Variants in SLC23A2 observed in about 807,000 individuals in gnomAD.
The protein encoded by SLC23A2 is Na(+)/L-ascorbic acid transporter 2.
In SLC23A2, 36 loss-of-function variants were observed where a neutral mutation model predicts 73.3. That is an observed-to-expected ratio of 0.49 (90% confidence interval 0.38 to 0.65). The LOEUF (loss-of-function observed/expected upper bound fraction) is 0.65, where lower values mean the gene tolerates loss of function less well. Ranked by LOEUF, SLC23A2 falls within the 30% of genes least tolerant of loss-of-function variation. SLC23A2 has a pLI of 0.00. For synonymous variants in SLC23A2, 343 were observed against 327.3 expected (o/e 1.05, Z -0.52); for missense variants, 507 against 841.6 (o/e 0.60, Z 4.92).
chr20:4,981,792 C>G (rs36107804), intron 1 of SLC23A2, among the ~76,000 whole-genome samples: 10 of 151,944 alleles, frequency 6.6e-5, no homozygotes, highest in East Asian at 3.9e-4. Context: ...ACCTCCACCC[C>G]CCAGGTTCAA....
upstream of SLC23A2, among the ~76,000 whole-genome samples, chr20:5,005,120 TTTC>T (rs1208109372): frequency 6.6e-6 from 1 of 151,696 alleles, no homozygotes; most frequent in African/African-American, 2.4e-5. Flanking sequence ...TCGGCTTCTT[TTTC>T]TTCTTTTTTT....
chr20:4,864,478 G>A (rs2122779808), intron 13 of SLC23A2, among the ~76,000 whole-genome samples: 1 of 152,248 alleles, frequency 6.6e-6, no homozygotes, highest in East Asian at 1.9e-4. Flanking sequence ...CGGCAGGGAA[G>A]CAATGGAAAA....
intron 3 of SLC23A2, among the ~76,000 whole-genome samples, chr20:4,920,867 G>A (rs1397043525): frequency 6.6e-6 from 1 of 152,094 alleles, no homozygotes; most frequent in East Asian, 1.9e-4. Context: ...CCCTCAAAGT[G>A]CTATCAGATC....
chr20:4,938,598 T>C (rs1386247627), intron 2 of SLC23A2, among the ~76,000 whole-genome samples: 1 of 152,314 alleles, frequency 6.6e-6, no homozygotes, highest in Non-Finnish European at 1.5e-5. Context: ...ATGCTGGGAT[T>C]ACAGGCGTGA....
rs866775558 is a variant in SLC23A2, at chr20:4,986,606, G to A, written c.-282+14800C>T. 2.0e-5 allele frequency among the ~76,000 whole-genome samples: 3 copies of A among 150,626 alleles called. No homozygotes were observed. In the South Asian group the frequency reaches 6.3e-4, roughly 32 times the overall value. The stretch of plus-strand genomic sequence containing the variant: ...TGGGATTACAGGCATGAGTCACCGC[G>A]CCTGGCCTTGAAACTTTTGTCTGAG... On this transcript the variant is annotated intron_variant, in intron 1 of 16. Coordinates refer to ENST00000338244, the MANE Select transcript of SLC23A2 (RefSeq NM_005116.6).
intron 9 of SLC23A2, among the ~76,000 whole-genome samples, chr20:4,882,494 T>C (rs920874206): frequency 5.9e-5 from 9 of 152,200 alleles, no homozygotes; most frequent in Admixed American, 3.9e-4. Context: ...ACACCTTAAT[T>C]TAATTTGTAA....
chr20:4,879,184 A>C (rs1959707933), intron 9 of SLC23A2, among the ~76,000 whole-genome samples: 1 of 152,144 alleles, frequency 6.6e-6, no homozygotes, highest in African/African-American at 2.4e-5. Flanking sequence ...AGGTGGGTGG[A>C]TCACCTGAGG....
At chr20:4,962,486 A>G (rs67049228) in intron 2 of SLC23A2, among the ~76,000 whole-genome samples, 1,912 of 152,342 alleles carry the variant, frequency 0.013, 55 homozygotes, top group African/African-American at 0.044. Flanking sequence ...GGGTGTGTAG[A>G]CACACTCCCA....
In SLC23A2 at chr20:4,883,815, C is replaced by T. The variant is rs778221914; in HGVS notation, c.651G>A (p.Gly217=). ...IWYPRIREIQ[G]AIIMSSLIEV... is the part of the protein sequence containing the mutation. ...CTATCAGTGAGGACATGATGATGGC[C>T]CCCTGGATCTGCAACAAGAGATGGC... The change falls in exon 9 of 17, where the codon GGG becomes GGA. Residue 217 remains glycine (G), a synonymous_variant. Transcript: ENST00000338244. The surrounding 1 kb of genome is among the most constrained non-coding windows in gnomAD (Gnocchi z 4.5). 4.6e-5 allele frequency: 74 copies of T among 1,606,226 alleles called. No individual in the cohort carries two copies. The highest frequency in any genetic ancestry group is 7.8e-5 in the South Asian group (7 of 90,148).
At chr20:4,859,693 A>G (rs1270732384) in intron 15 of SLC23A2, among the ~76,000 whole-genome samples, 2 of 151,576 alleles carry the variant, frequency 1.3e-5, no homozygotes, top group Non-Finnish European at 2.9e-5. Context: ...TAGTCGGTGG[A>G]TAAAAAAAAT....
chr20:4,911,960 C>T (rs754562194), intron 4 of SLC23A2, among the ~76,000 whole-genome samples: 7 of 151,902 alleles, frequency 4.6e-5, no homozygotes, highest in Non-Finnish European at 7.4e-5. Flanking sequence ...TCTCCTGCCC[C>T]TGAGTAGCTG....
chr20:4,884,776 T>C lies in SLC23A2; in HGVS notation c.619A>G (p.Ile207Val). 9 of 1,600,122 alleles carry C rather than the reference T, an allele frequency of 5.6e-6. No individual in the cohort carries two copies. The highest frequency in any genetic ancestry group is 7.7e-6 in the Non-Finnish European group (9 of 1,175,904). ...ACCTCTCGGATCCGGGGATACCAGATGTGTTCTGTGTGCAACAGCTCTGCT... is the reference window on the plus strand; with the variant it reads ...ACCTCTCGGATCCGGGGATACCAGACGTGTTCTGTGTGCAACAGCTCTGCT... ...GTAELLHTEH[I>V]WYPRIREIQG... Residue 207 changes from isoleucine (I) to valine (V), a missense_variant, in exon 8 of 17, where the codon ATC becomes GTC. Physicochemically the swap from Ile to Val is conservative, Grantham distance 29. Transcript: ENST00000338244.
chr20:4,869,878 T>C, intron 12 of SLC23A2, 28 bp downstream of exon 12: 6 of 1,591,630 alleles, frequency 3.8e-6, no homozygotes, highest in Non-Finnish European at 5.1e-6. Flanking sequence ...CTGGGACCAA[T>C]CAGGAACTTG....
intron 2 of SLC23A2, among the ~76,000 whole-genome samples, chr20:4,968,392 T>A (rs1317640426): frequency 2.0e-5 from 3 of 152,158 alleles, no homozygotes; most frequent in African/African-American, 7.2e-5. Flanking sequence ...AAACCCTTTG[T>A]GGAGTCAAAG....
At chr20:4,992,157 A>G (rs2087936331) in intron 1 of SLC23A2, among the ~76,000 whole-genome samples, 1 of 152,192 alleles carries the variant, frequency 6.6e-6, no homozygotes. Context: ...ACACTGGAGT[A>G]AAAACTGAGC....
In SLC23A2 at chr20:4,852,791, T is replaced by C. The variant is rs1929574466; in HGVS notation, c.*4181A>G. ...TAAGATGGCAACGTGGGGAAGGGTG[T>C]CCTAAGTGCCTGGAAACACGCACAG... On this transcript the variant is annotated 3_prime_UTR_variant, in exon 17 of 17. Coordinates refer to ENST00000338244, the MANE Select transcript of SLC23A2 (RefSeq NM_005116.6). This position sits in a 1 kb window ranked among gnomAD's most constrained non-coding sequence, Gnocchi z 4.3. The C allele has an allele frequency of 6.6e-6, 1 of 152,350 alleles. No homozygotes were observed. The highest frequency in any genetic ancestry group is 6.6e-5 in the Admixed American group (1 of 15,258). 9.4% of individuals were successfully genotyped at this position (152,350 alleles called of 1,614,324 possible).
chr20:4,986,689 C>CACACACACACACACACACACAGAG (rs71197739), intron 1 of SLC23A2, among the ~76,000 whole-genome samples: 9 of 129,936 alleles, frequency 6.9e-5, no homozygotes, highest in Admixed American at 2.5e-4. Flanking sequence ...CACACACACA[C>CACACACACACACACACACACAGAG]AGAGATGAAT....
chr20:4,885,115 C>T lies in SLC23A2; in HGVS notation c.572-292G>A, dbSNP rs116141476. The stretch of plus-strand genomic sequence containing the variant: ...TCACACAAAAAAACCAACCTTTGCA[C>T]ACAGCTCATTGAAATGCCCGACAGC... On this transcript the variant is annotated intron_variant, in intron 7 of 16. Transcript: ENST00000338244. Among the ~76,000 whole-genome samples the T allele has an allele frequency of 2.5e-3, 377 of 152,290 alleles. 1 individual carries two copies. Among genetic ancestry groups the T allele is most frequent in the African/African-American group, 8.8e-3 (364 of 41,560 alleles).
Position 4,862,887 on chromosome 20 carries a change from T to A in SLC23A2, c.1377A>T (p.Ile459=). The A allele has an allele frequency of 6.2e-7, 1 of 1,612,022 alleles. No homozygotes were observed. Among genetic ancestry groups the A allele is most frequent in the Non-Finnish European group, 8.5e-7 (1 of 1,178,502 alleles). The change falls in exon 14 of 17, where the codon ATA becomes ATT. Residue 459 remains isoleucine, a synonymous_variant. Coordinates refer to ENST00000338244, the MANE Select transcript of SLC23A2 (RefSeq NM_005116.6). The surrounding 1 kb of genome is among the most constrained non-coding windows in gnomAD (Gnocchi z 5.1). ...GITKVGSRRV[I]QCGAALMLAL... Reference sequence around the variant, plus strand: ...CGAGCATGAGGGCTGCTCCGCACTGTATCACGCGGCGGCTGCCGACCTGCA... The same window carrying A: ...CGAGCATGAGGGCTGCTCCGCACTGAATCACGCGGCGGCTGCCGACCTGCA...
Sources: gnomAD v4.1 joint callset for allele counts (sites outside exome capture counted in the v4.1 genomes callset) on GRCh38, gnomAD v4.1.1 for gene constraint, Gnocchi (gnomAD v3.1) non-coding constraint, MANE v1.5 for transcripts, NCBI Gene and HGNC (gene_info 2026-07-23, HGNC 2026-07-21) for gene names.